FRMD3: variants seen among roughly 807,000 people sequenced by gnomAD.
The protein encoded by FRMD3 is FERM domain containing 3.
Under a neutral mutation model 70.2 loss-of-function variants are expected in FRMD3, and 33 were observed. The observed-to-expected ratio is 0.47, with a 90% CI of 0.36 to 0.63. FRMD3 has a LOEUF of 0.63. FRMD3 is among the 20% of genes least tolerant of loss of function. The pLI, the probability that FRMD3 is intolerant of heterozygous loss-of-function variation, is 0.00. For synonymous variants in FRMD3, 279 were observed against 255.9 expected (o/e 1.09, Z -0.86); for missense variants, 632 against 711.4 (o/e 0.89, Z 1.27).
At chr9:83,572,978 T>C in the FRMD3 span, among the ~76,000 whole-genome samples, 876 of 152,322 alleles carry the variant, frequency 5.8e-3, 15 homozygotes, top group African/African-American at 0.02. Context: ...ACAGTGTTAT[T>C]GAACAAAGGT....
At chr9:83,550,708 G>GTGTGTGTGTGTGTGTC in the FRMD3 span, among the ~76,000 whole-genome samples, 4 of 151,246 alleles carry the variant, frequency 2.6e-5, no homozygotes, top group African/African-American at 9.7e-5. Context: ...GTGTGTGTGT[G>GTGTGTGTGTGTGTGTC]TGTGTGTGTG....
At chr9:83,562,836 G>C in the FRMD3 span, among the ~76,000 whole-genome samples, 2 of 152,124 alleles carry the variant, frequency 1.3e-5, no homozygotes, top group African/African-American at 4.8e-5. Flanking sequence ...TCATTTCGGA[G>C]CTCTGGATTC....
At chr9:83,497,019 C>T (rs894002928) in intron 1 of FRMD3, among the ~76,000 whole-genome samples, 4 of 152,096 alleles carry the variant, frequency 2.6e-5, no homozygotes, top group Non-Finnish European at 1.5e-5. Flanking sequence ...GAGGCTGAGG[C>T]AGGAGAATCA....
At chr9:83,456,253 G>A (rs1359690178) in intron 1 of FRMD3, among the ~76,000 whole-genome samples, 1 of 152,130 alleles carries the variant, frequency 6.6e-6, no homozygotes, top group Non-Finnish European at 1.5e-5. Flanking sequence ...GAGCTGCCTT[G>A]TTCTTTTTAA....
intron 1 of FRMD3, among the ~76,000 whole-genome samples, chr9:83,458,281 T>C (rs78466709): frequency 0.017 from 2,563 of 152,322 alleles, 71 homozygotes; most frequent in African/African-American, 0.058. Flanking sequence ...AAGCTATAGC[T>C]GGACACAAGG....
intron 2 of FRMD3, among the ~76,000 whole-genome samples, chr9:83,376,527 C>A (rs756942587): frequency 6.6e-6 from 1 of 152,020 alleles, no homozygotes; most frequent in Non-Finnish European, 1.5e-5. Context: ...CAGAGAAACA[C>A]AGCCACAGTA....
At chr9:83,264,333 A>C (rs953610136) in intron 13 of FRMD3, among the ~76,000 whole-genome samples, 1 of 152,244 alleles carries the variant, frequency 6.6e-6, no homozygotes, top group African/African-American at 2.4e-5. Context: ...TAGGTGGAAC[A>C]CAGAACTTTT....
the FRMD3 span, among the ~76,000 whole-genome samples, chr9:83,553,530 C>A: frequency 6.6e-6 from 1 of 152,170 alleles, no homozygotes; most frequent in Non-Finnish European, 1.5e-5. Context: ...TTTACATAAT[C>A]CCATACCTCT....
intron 1 of FRMD3, among the ~76,000 whole-genome samples, chr9:83,531,286 G>C (rs1370389639): frequency 6.6e-6 from 1 of 152,156 alleles, no homozygotes; most frequent in Non-Finnish European, 1.5e-5. Flanking sequence ...GTTTGAATTA[G>C]AATTTGTTGC....
At chr9:83,437,494 T>G (rs191186531) in intron 1 of FRMD3, among the ~76,000 whole-genome samples, 163 of 152,330 alleles carry the variant, frequency 1.1e-3, no homozygotes, top group African/African-American at 3.7e-3. Context: ...ACCTTGAGAT[T>G]TTCTTTATCG....
chr9:83,503,782 C>A (rs1829123949), intron 1 of FRMD3, among the ~76,000 whole-genome samples: 1 of 152,204 alleles, frequency 6.6e-6, no homozygotes, highest in Non-Finnish European at 1.5e-5. Context: ...ACATCTCCAC[C>A]AGCCAAGTGG....
At chr9:83,254,508 A>G (rs1832598993) in intron 13 of FRMD3, among the ~76,000 whole-genome samples, 1 of 151,964 alleles carries the variant, frequency 6.6e-6, no homozygotes, top group Admixed American at 6.6e-5. Context: ...CCCCAAAGCT[A>G]GCAGAAGACA....
chr9:83,251,227 G>A (rs751915917), intron 13 of FRMD3, among the ~76,000 whole-genome samples: 8 of 152,132 alleles, frequency 5.3e-5, no homozygotes, highest in Non-Finnish European at 1.2e-4. Context: ...AGAAACTAAG[G>A]CAACTGGAGT....
rs541389746 is a variant in FRMD3, at chr9:83,413,544, G to T, written c.148-23836C>A. Among the ~76,000 whole-genome samples, 7 of 152,216 alleles carry T rather than the reference G, an allele frequency of 4.6e-5. No individual in the cohort carries two copies. In the East Asian group the frequency reaches 1.4e-3, roughly 29 times the overall value. ...GATCCTACTTTTAGTAAGGATAATC[G>T]CTTTTCAGCACTTTGGGCACTCACC... On this transcript the variant is annotated intron_variant, in intron 1 of 13. Transcript: ENST00000304195.
chr9:83,568,917 AAGATAGATAGATAGAT>A, the FRMD3 span, among the ~76,000 whole-genome samples: 1 of 143,398 alleles, frequency 7.0e-6, no homozygotes, highest in Non-Finnish European at 1.5e-5. Context: ...CTTGTTAGAA[AAGATAGATAGATAGAT>A]AGATAGATAG....
At chr9:83,504,175 A>G (rs1343206252) in intron 1 of FRMD3, among the ~76,000 whole-genome samples, 1 of 152,136 alleles carries the variant, frequency 6.6e-6, no homozygotes, top group Non-Finnish European at 1.5e-5. Flanking sequence ...GCCAGTGCTT[A>G]TCATCTCCTG....
At chr9:83,456,917 C>T (rs1827833932) in intron 1 of FRMD3, among the ~76,000 whole-genome samples, 1 of 152,066 alleles carries the variant, frequency 6.6e-6, no homozygotes, top group African/African-American at 2.4e-5. Context: ...AAGGTCGAGG[C>T]TGCAGTGGGC....
At chr9:83,581,481 G>A in the FRMD3 span, among the ~76,000 whole-genome samples, 40 of 152,228 alleles carry the variant, frequency 2.6e-4, no homozygotes, top group African/African-American at 9.4e-4. Flanking sequence ...AGGATGTGGA[G>A]TGATTGGAAC....
chr9:83,315,621 A>G (rs916699145), intron 6 of FRMD3, among the ~76,000 whole-genome samples: 2 of 151,924 alleles, frequency 1.3e-5, no homozygotes, highest in African/African-American at 4.8e-5. Context: ...TTTGCCTTCC[A>G]CCACGTTTGT....
Sources: allele counts gnomAD v4.1 joint callset (sites outside exome capture counted in the v4.1 genomes callset), GRCh38; gene constraint gnomAD v4.1.1; transcripts MANE v1.5; gene names NCBI Gene and HGNC (gene_info 2026-07-23, HGNC 2026-07-21).